CSMD3: variants seen among roughly 807,000 people sequenced by gnomAD.
CSMD3 encodes CUB and Sushi multiple domains 3, also known as CUB and sushi domain-containing protein 3.
In CSMD3, 177 loss-of-function variants were observed where a neutral mutation model predicts 435.2. The ratio of observed to expected loss-of-function variants is 0.41; its 90% CI spans 0.36 to 0.46. CSMD3 has a LOEUF of 0.46. Ranked by LOEUF, CSMD3 falls within the 20% of genes least tolerant of loss-of-function variation. The pLI, the probability that CSMD3 is intolerant of heterozygous loss-of-function variation, is 0.34. For synonymous variants in CSMD3, 1,656 were observed against 1,520.5 expected, an observed-to-expected ratio of 1.09 and a Z score of -2.07; for missense variants, 4,265 against 4,504.6, an observed-to-expected ratio of 0.95 and a Z score of 1.52.
chr8:112,749,062 A>G (rs2113665), intron 13 of CSMD3, among the ~76,000 whole-genome samples: 50,545 of 151,874 alleles, frequency 0.33, 9,266 homozygotes, highest in African/African-American at 0.5. Flanking sequence ...ATCTCATTGC[A>G]GTTTTGATTC....
At chr8:112,723,293 A>G (rs2076899370) in intron 13 of CSMD3, among the ~76,000 whole-genome samples, 1 of 152,080 alleles carries the variant, frequency 6.6e-6, no homozygotes, top group South Asian at 2.1e-4. Flanking sequence ...TGCTATTCCT[A>G]TTTCCTAAGG....
At chr8:112,749,863 CTCTG>C (rs148329989) in intron 13 of CSMD3, among the ~76,000 whole-genome samples, 50,159 of 151,506 alleles carry the variant, frequency 0.33, 9,085 homozygotes, top group African/African-American at 0.5. Context: ...TAAAATATTT[CTCTG>C]TCAGTCACAG....
chr8:113,340,391 G>A (rs1484274126), intron 1 of CSMD3, among the ~76,000 whole-genome samples: 2 of 151,976 alleles, frequency 1.3e-5, no homozygotes, highest in African/African-American at 2.4e-5. Context: ...CATAAATACT[G>A]CTTTAACCAC....
Position 112,672,524 on chromosome 8 carries a change from C to G in CSMD3, c.2678-6109G>C, listed in dbSNP as rs11774848. On this transcript the variant is annotated intron_variant, in intron 16 of 70. Coordinates refer to ENST00000297405, the MANE Select transcript of CSMD3 (RefSeq NM_198123.2). ...AAGACCCCCACCTGATCCCTCAGGT[C>G]CTTTTATTGGTTAGGTATGTGGACC... Among the ~76,000 whole-genome samples, 315 of 152,094 alleles carry G rather than the reference C, an allele frequency of 2.1e-3. 1 individual carries two copies. The highest frequency in any genetic ancestry group is 3.9e-3 in the Non-Finnish European group (263 of 67,988).
intron 5 of CSMD3, among the ~76,000 whole-genome samples, chr8:113,052,720 G>C (rs2088151676): frequency 6.6e-6 from 1 of 152,176 alleles, no homozygotes. Flanking sequence ...CAAGGTTAAA[G>C]TGAGCTGTTA....
intron 27 of CSMD3, among the ~76,000 whole-genome samples, chr8:112,519,257 T>C (rs1824029935): frequency 1.3e-5 from 2 of 152,138 alleles, no homozygotes; most frequent in Non-Finnish European, 2.9e-5. Flanking sequence ...AACATAAATA[T>C]GCAAAGTAAG....
intron 12 of CSMD3, among the ~76,000 whole-genome samples, chr8:112,811,463 T>C (rs2079226574): frequency 6.6e-6 from 1 of 152,160 alleles, no homozygotes; most frequent in Non-Finnish European, 1.5e-5. Context: ...CTTGGAGCTA[T>C]CTTTTTGAAA....
intron 2 of CSMD3, among the ~76,000 whole-genome samples, chr8:113,295,702 A>C (rs988903403): frequency 6.6e-6 from 1 of 152,172 alleles, no homozygotes; most frequent in Admixed American, 6.6e-5. Context: ...GACCAGCCTG[A>C]GTTCTAGTGT....
chr8:112,774,431 A>T (rs951597077), intron 13 of CSMD3, among the ~76,000 whole-genome samples: 2 of 152,006 alleles, frequency 1.3e-5, no homozygotes, highest in Non-Finnish European at 2.9e-5. Flanking sequence ...TTTTCCATAT[A>T]AAGAGCCCAA....
rs1324281449 is a variant in CSMD3, at chr8:113,355,716, TTATTTTTATA to T, written c.179-40933_179-40924del. On this transcript the variant is annotated intron_variant, in intron 1 of 70. Transcript: ENST00000297405. ...CCTGAATAAATAACTCTTAAAAGTT[TTATTTTTATA>T]TATATATATATATATATATATATAC... Among the ~76,000 whole-genome samples, 268 of 92,146 alleles carry T rather than the reference TTATTTTTATA, an allele frequency of 2.9e-3. 11 individuals are homozygous for T. The highest frequency in any genetic ancestry group is 3.6e-3 in the Non-Finnish European group (186 of 51,116). 60.5% of individuals were successfully genotyped at this position (92,146 alleles called of 152,430 possible). A position where few individuals can be genotyped will look rare whatever the true frequency, so the allele number is the denominator to read the frequency against.
chr8:112,605,884 G>T (rs188196096), intron 22 of CSMD3, among the ~76,000 whole-genome samples: 3 of 152,160 alleles, frequency 2.0e-5, no homozygotes, highest in Non-Finnish European at 2.9e-5. Context: ...TTATCACAAA[G>T]AATTTCTAGC....
At chr8:112,411,495 A>T (rs894532738) in intron 32 of CSMD3, among the ~76,000 whole-genome samples, 1 of 151,950 alleles carries the variant, frequency 6.6e-6, no homozygotes, top group Non-Finnish European at 1.5e-5. Flanking sequence ...CTTTCACCAG[A>T]AAAAAAGTTA....
chr8:112,227,310 T>A (rs1193867495), intron 70 of CSMD3, among the ~76,000 whole-genome samples: 1 of 152,206 alleles, frequency 6.6e-6, no homozygotes, highest in East Asian at 1.9e-4. Context: ...AGAAGCCAGA[T>A]ACAAAATGTC....
At chr8:112,956,560 T>C (rs2084027323) in intron 7 of CSMD3, among the ~76,000 whole-genome samples, 1 of 152,140 alleles carries the variant, frequency 6.6e-6, no homozygotes, top group Admixed American at 6.5e-5. Context: ...GAAGATTTCA[T>C]GGTGATTTTA....
chr8:112,948,300 G>T (rs1183860885), intron 8 of CSMD3, among the ~76,000 whole-genome samples: 1 of 151,840 alleles, frequency 6.6e-6, no homozygotes, highest in Non-Finnish European at 1.5e-5. Context: ...TAAAAAATAC[G>T]ACTTTATGAA....
At chr8:112,331,331 A>T (rs912196589) in intron 45 of CSMD3, among the ~76,000 whole-genome samples, 2 of 152,066 alleles carry the variant, frequency 1.3e-5, no homozygotes, top group African/African-American at 4.8e-5. Flanking sequence ...TTATAGCAAC[A>T]CAAAGAGATA....
At chr8:112,398,197 T>C (rs1831013367) in intron 35 of CSMD3, among the ~76,000 whole-genome samples, 1 of 152,208 alleles carries the variant, frequency 6.6e-6, no homozygotes, top group Non-Finnish European at 1.5e-5. Context: ...TCAGTCCCAC[T>C]GGGCCTATGG....
chr8:113,418,788 C>T (rs2094594965), intron 1 of CSMD3, among the ~76,000 whole-genome samples: 1 of 152,080 alleles, frequency 6.6e-6, no homozygotes, highest in South Asian at 2.1e-4. Flanking sequence ...AGACTTGTTT[C>T]AAGAACAATA....
chr8:113,028,362 C>T (rs1454823618), intron 5 of CSMD3, among the ~76,000 whole-genome samples: 1 of 151,470 alleles, frequency 6.6e-6, no homozygotes, highest in African/African-American at 2.4e-5. Context: ...ATCCCTGAGA[C>T]ACAATATTGA....
Sources: allele counts gnomAD v4.1 joint callset (sites outside exome capture counted in the v4.1 genomes callset), GRCh38; gene constraint gnomAD v4.1.1; transcripts MANE v1.5; gene names NCBI Gene and HGNC (gene_info 2026-07-23, HGNC 2026-07-21).